TRRAP: variants seen among roughly 807,000 people sequenced by gnomAD.
TRRAP encodes the protein transformation/transcription domain associated protein, also known as transformation/transcription domain-associated protein.
Under a neutral mutation model 438.8 loss-of-function variants are expected in TRRAP, and 41 were observed. The observed-to-expected ratio is 0.09, with a 90% CI of 0.07 to 0.12. The LOEUF (loss-of-function observed/expected upper bound fraction) is 0.12, where lower values mean the gene tolerates loss of function less well. Ranked by LOEUF, TRRAP falls within the 10% of genes least tolerant of loss-of-function variation. The probability of loss-of-function intolerance (pLI) is 1.00; values close to 1 mark genes in which losing one functional copy is unlikely to be tolerated. For missense variants in TRRAP, 3,122 were observed against 5,055.1 expected (o/e 0.62, Z 11.60); for synonymous variants, 1,994 against 1,962.9 (o/e 1.02, Z -0.42).
At chr7:98,986,365 C>G (rs890462659) in intron 62 of TRRAP, among the ~76,000 whole-genome samples, 9 of 152,186 alleles carry the variant, frequency 5.9e-5, no homozygotes. Context: ...TGTCAATCTT[C>G]CACAGTTGGC....
At chr7:98,944,851 C>A (rs1790972253) in intron 31 of TRRAP, among the ~76,000 whole-genome samples, 1 of 152,140 alleles carries the variant, frequency 6.6e-6, no homozygotes, top group Non-Finnish European at 1.5e-5. Context: ...GTCACCCAGC[C>A]TGGAGTGCAA....
At position 98,912,004 on chromosome 7, in the gene TRRAP, T is replaced by G; in HGVS notation, c.2008-18T>G. The G allele has an allele frequency of 1.9e-6, 3 of 1,601,442 alleles. No homozygotes were observed. Among genetic ancestry groups the G allele is most frequent in the Non-Finnish European group, 2.6e-6 (3 of 1,172,318 alleles). ...GGGGAAGGGATTAATTTTTCACATG[T>G]GTTTCTTGTATTGACAGATTGTTGC... is the stretch of plus-strand genomic sequence containing the variant. On this transcript the variant is annotated intron_variant, in intron 17 of 72. Coordinates refer to ENST00000456197, the MANE Select transcript of TRRAP (RefSeq NM_001375524.1).
chr7:98,992,021 C>A, intron 64 of TRRAP, 116 bp from the exon 65 acceptor site: 1 of 1,189,256 alleles, frequency 8.4e-7, no homozygotes, highest in Non-Finnish European at 1.2e-6. Context: ...TTCCTTGGTC[C>A]AAAGGCAGAT....
chr7:98,949,068 A>T (rs1791209418), intron 35 of TRRAP, among the ~76,000 whole-genome samples: 1 of 152,156 alleles, frequency 6.6e-6, no homozygotes. Context: ...CCTTGTCTTT[A>T]CAAAAAATAT....
At chr7:98,937,001 G>A (rs1790585601) in intron 28 of TRRAP, among the ~76,000 whole-genome samples, 155 bp from the exon 29 acceptor site, 1 of 152,158 alleles carries the variant, frequency 6.6e-6, no homozygotes, top group Admixed American at 6.5e-5. Flanking sequence ...GCCAGGGCAG[G>A]AGAATCCCTT....
At chr7:98,993,305 G>A (rs1200924466) in intron 65 of TRRAP, among the ~76,000 whole-genome samples, 2 of 152,236 alleles carry the variant, frequency 1.3e-5, no homozygotes, top group Non-Finnish European at 2.9e-5. Context: ...TTTATTTAAT[G>A]GAATGGATTG....
At chr7:98,917,094 T>A (rs1163195047) in intron 19 of TRRAP, among the ~76,000 whole-genome samples, 1 of 152,216 alleles carries the variant, frequency 6.6e-6, no homozygotes, top group Admixed American at 6.5e-5. Context: ...AAAAACTGTT[T>A]AGAGAATAGA....
chr7:98,990,720 T>A, intron 64 of TRRAP, 101 bp downstream of exon 64: 2 of 1,327,006 alleles, frequency 1.5e-6, no homozygotes, highest in South Asian at 1.6e-5. Flanking sequence ...TTCAAAGTAT[T>A]AAAAACAAGT....
Position 98,948,548 on chromosome 7 carries a change from T to G in TRRAP, c.4669-18T>G, listed in dbSNP as rs1791189261. ...GAAGAGGAAGTTGTGAGATGCAGCA[T>G]TCCCACATGTTTTGCAGGCGGGGAG... On this transcript the variant is annotated intron_variant, in intron 34 of 72. Coordinates refer to ENST00000456197, the MANE Select transcript of TRRAP (RefSeq NM_001375524.1). The surrounding 1 kb of genome is among the most constrained non-coding windows in gnomAD (Gnocchi z 4.9). 6.2e-7 allele frequency: 1 copy of G among 1,614,060 alleles called. No individual in the cohort carries two copies. The highest frequency in any genetic ancestry group is 8.5e-7 in the Non-Finnish European group (1 of 1,180,048).
In TRRAP at chr7:98,878,536, G is replaced by C. The variant is rs1482346543; in HGVS notation, c.-163G>C. ...GTCGGCGGGTGCTGCCGCTTTAAGCGGGGGCGGGACTGCGCGCGGCCGAGC... is the reference window on the plus strand; with the variant it reads ...GTCGGCGGGTGCTGCCGCTTTAAGCCGGGGCGGGACTGCGCGCGGCCGAGC... On this transcript the variant is annotated 5_prime_UTR_variant, in exon 1 of 73. Coordinates refer to ENST00000456197, the MANE Select transcript of TRRAP (RefSeq NM_001375524.1). The C allele has an allele frequency of 2.6e-5, 4 of 151,674 alleles. 1 individual carries two copies. Among genetic ancestry groups the C allele is most frequent in the African/African-American group, 4.8e-5 (2 of 41,380 alleles). The allele number at this position is 151,674 out of a possible 1,614,324, so 9.4% of individuals were successfully genotyped here.
chr7:98,966,967 T>C (rs1584371945), intron 49 of TRRAP, 74 bp from the exon 50 acceptor site: 1 of 1,497,964 alleles, frequency 6.7e-7, no homozygotes, highest in Non-Finnish European at 9.0e-7. Flanking sequence ...TTGATAAAAT[T>C]GTAGGAGCTT....
At position 98,953,388 on chromosome 7, in the gene TRRAP, G is replaced by T; in HGVS notation, c.5685G>T (p.Ala1895=). The T allele has an allele frequency of 1.9e-6, 3 of 1,613,206 alleles. No homozygotes were observed. Among genetic ancestry groups the T allele is most frequent in the Non-Finnish European group, 2.5e-6 (3 of 1,180,014 alleles). The part of the protein sequence containing the change: ...ACKYSGHLLL[A]HIIAKFAIHK... ...AGTACAGCGGACACTTGCTCCTGGC[G>T]CACATTATCGCCAAATTCGCCATAC... Residue 1895 remains alanine (A), a synonymous_variant, in exon 40 of 73, where the codon GCG becomes GCT. Coordinates refer to ENST00000456197, the MANE Select transcript of TRRAP (RefSeq NM_001375524.1).
intron 18 of TRRAP, among the ~76,000 whole-genome samples, chr7:98,914,140 A>C (rs1789409857): frequency 6.6e-6 from 1 of 152,178 alleles, no homozygotes; most frequent in Non-Finnish European, 1.5e-5. Flanking sequence ...TAATCTTATA[A>C]TTCTAGCACT....
At position 98,999,097 on chromosome 7, in the gene TRRAP, A is replaced by T. The variant is rs1793801023; in HGVS notation, c.10309+4249A>T. The T allele has an allele frequency of 3.6e-6, 5 of 1,378,586 alleles. No homozygotes were observed. The Admixed American group carries it at 1.1e-4, about 30-fold the overall frequency. 85.4% of individuals were successfully genotyped at this position (1,378,586 alleles called of 1,614,324 possible). A position where few individuals can be genotyped will look rare whatever the true frequency, so the allele number is the denominator to read the frequency against. On this transcript the variant is annotated intron_variant, in intron 67 of 72. Transcript: ENST00000456197. ...GAACTCTGCTTCCGCTGGCTCTTTG[A>T]CCTGGCCAGGAGTGGCCACCGAAGG...
At chr7:98,890,940 G>A (rs1445745510) in intron 4 of TRRAP, among the ~76,000 whole-genome samples, 2 of 150,984 alleles carry the variant, frequency 1.3e-5, no homozygotes, top group African/African-American at 4.9e-5. Context: ...ACTGGTGTGC[G>A]CCACAATGCC....
intron 35 of TRRAP, among the ~76,000 whole-genome samples, 165 bp from the exon 36 acceptor site, chr7:98,949,252 A>G (rs1444790151): frequency 6.6e-6 from 1 of 152,178 alleles, no homozygotes; most frequent in Non-Finnish European, 1.5e-5. Flanking sequence ...AGAAAAAAAA[A>G]AAGCATCTTT....
At position 99,012,335 on chromosome 7, in the gene TRRAP, G is replaced by A. The variant is rs1160234872; in HGVS notation, c.11602G>A (p.Ala3868Thr). ...GGACAATCTGTGCCGCATGGACCCCGCCTGGCACCCCTGGCTGTGACTGTG... is the reference window on the plus strand; with the variant it reads ...GGACAATCTGTGCCGCATGGACCCCACCTGGCACCCCTGGCTGTGACTGTG... The part of the protein sequence containing the change: ...SLDNLCRMDP[A>T]WHPWL Residue 3868 changes from alanine to threonine, a missense_variant, in exon 73 of 73, where the codon GCC becomes ACC. This residue lies in a region of TRRAP where 192 missense variants were observed against 355.6 expected (regional missense o/e 0.54). Transcript: ENST00000456197. This position sits in a 1 kb window ranked among gnomAD's most constrained non-coding sequence, Gnocchi z 5.9. The A allele has an allele frequency of 4.4e-6, 7 of 1,604,010 alleles. No individual in the cohort carries two copies. The highest frequency in any genetic ancestry group is 1.7e-5 in the Admixed American group (1 of 59,304).
chr7:98,997,298 T>C (rs1007996535), intron 67 of TRRAP, among the ~76,000 whole-genome samples: 1 of 151,760 alleles, frequency 6.6e-6, no homozygotes. Context: ...AGTGAGACTC[T>C]GTCTCAAAAA....
intron 19 of TRRAP, 106 bp from the exon 20 acceptor site, chr7:98,917,317 G>A (rs1789558857): frequency 1.4e-6 from 2 of 1,476,948 alleles, no homozygotes; most frequent in African/African-American, 1.4e-5. Flanking sequence ...CCCTGCAGTT[G>A]TGCTGATGTG....
Sources: allele counts gnomAD v4.1 joint callset (sites outside exome capture counted in the v4.1 genomes callset), GRCh38; gene constraint gnomAD v4.1.1; regional missense constraint gnomAD v4.1.1; non-coding constraint Gnocchi (gnomAD v3.1); transcripts MANE v1.5; gene names NCBI Gene and HGNC (gene_info 2026-07-23, HGNC 2026-07-21).